Variants in ANPEP observed in about 807,000 individuals in gnomAD.
ANPEP encodes aminopeptidase N.
In ANPEP, 70 loss-of-function variants were observed where a neutral mutation model predicts 114.6. That is an observed-to-expected ratio of 0.61 (90% confidence interval 0.50 to 0.75). ANPEP has a LOEUF of 0.75. Ranked by LOEUF, ANPEP falls within the 30% of genes least tolerant of loss-of-function variation. The probability of loss-of-function intolerance (pLI) is 0.00; values close to 1 mark genes in which losing one functional copy is unlikely to be tolerated. For synonymous variants in ANPEP, 548 were observed against 522.3 expected, an observed-to-expected ratio of 1.05 and a Z score of -0.67; for missense variants, 1,184 against 1,259.5, an observed-to-expected ratio of 0.94 and a Z score of 0.91.
In ANPEP at chr15:89,805,424, C is replaced by G; in HGVS notation, c.654G>C (p.Arg218=). ...ATTQMQAADA[R]KSFPCFDEPA... ...GCTCATCGAAGCATGGGAAGGACTTCCGGGCATCTGCAGCCTGCATCTGTG... is the reference window on the plus strand; with the variant it reads ...GCTCATCGAAGCATGGGAAGGACTTGCGGGCATCTGCAGCCTGCATCTGTG... Residue 218 remains arginine, a synonymous_variant, in exon 3 of 21, where the codon CGG becomes CGC. Coordinates refer to ENST00000300060, the MANE Select transcript of ANPEP (RefSeq NM_001150.3). 1 of 1,614,180 alleles carries G rather than the reference C, an allele frequency of 6.2e-7. No individual in the cohort carries two copies. The highest frequency in any genetic ancestry group is 2.2e-5 in the East Asian group (1 of 44,882).
rs1194577799 is a variant in ANPEP, at chr15:89,792,298, T to C, written c.2390A>G (p.Tyr797Cys). Residue 797 changes from tyrosine to cysteine, a missense_variant, in exon 18 of 21, where the codon TAC (tyrosine) becomes TGC (cysteine). Physicochemically the swap from Tyr to Cys is radical, Grantham distance 194. Transcript: ENST00000300060. Reference protein sequence around the residue: ...PIHPNLRSTVYCNAIAQGGEE... With the variant: ...PIHPNLRSTVCCNAIAQGGEE... ...CCCGCCCTGGGCGATAGCGTTGCAG[T>C]AGACGGTGGACCGCAGGTTGGGGTG... The C allele has an allele frequency of 6.2e-7, 1 of 1,614,190 alleles. No individual in the cohort carries two copies. Among genetic ancestry groups the C allele is most frequent in the Non-Finnish European group, 8.5e-7 (1 of 1,180,022 alleles).
intron 1 of ANPEP, among the ~76,000 whole-genome samples, chr15:89,808,533 T>C (rs1002247341): frequency 4.2e-4 from 64 of 152,348 alleles, no homozygotes; most frequent in African/African-American, 1.3e-3. Flanking sequence ...ATTGAGTAAA[T>C]GAATGAATGA....
intron 19 of ANPEP, 34 bp from the exon 20 acceptor site, chr15:89,790,575 G>A: frequency 1.3e-6 from 2 of 1,581,358 alleles, no homozygotes; most frequent in Non-Finnish European, 1.7e-6. Flanking sequence ...CTGTGAGGGA[G>A]GCCGGGAACT....
At chr15:89,790,567 GT>G in intron 19 of ANPEP, 26 bp from the exon 20 acceptor site, 2 of 1,598,506 alleles carry the variant, frequency 1.3e-6, no homozygotes, top group Non-Finnish European at 1.7e-6. Flanking sequence ...GAGGTGAACT[GT>G]GAGGGAGGCC....
At position 89,803,622 on chromosome 15, in the gene ANPEP, G is replaced by A. The variant is rs369193095; in HGVS notation, c.1437+25C>T. ...AGGCCAAGTCCCCACCTCCTTCCCCGTGCCCCACGAGGAGCGGGCTGCACC... is the reference window on the plus strand; with the variant it reads ...AGGCCAAGTCCCCACCTCCTTCCCCATGCCCCACGAGGAGCGGGCTGCACC... On this transcript the variant is annotated intron_variant, in intron 8 of 20. Transcript: ENST00000300060. The surrounding 1 kb of genome is among the most constrained non-coding windows in gnomAD (Gnocchi z 4.2). 2.1e-5 allele frequency: 33 copies of A among 1,605,014 alleles called. No homozygotes were observed. Among genetic ancestry groups the A allele is most frequent in the East Asian group, 9.0e-5 (4 of 44,658 alleles).
chr15:89,794,074 G>A (rs1205161008), intron 15 of ANPEP, among the ~76,000 whole-genome samples: 1 of 152,192 alleles, frequency 6.6e-6, no homozygotes, highest in African/African-American at 2.4e-5. Flanking sequence ...AGTTTAGGCA[G>A]CTGGGACGCG....
rs370077706 is a variant in ANPEP, at chr15:89,803,856, C to G, written c.1293+33G>C. ...CGGTGGCCCAGGTCTCCCTCCATGC[C>G]CCCCGCACCAGACCCCTGGGCAGCT... is the stretch of plus-strand genomic sequence containing the variant. On this transcript the variant is annotated intron_variant, in intron 7 of 20. Coordinates refer to ENST00000300060, the MANE Select transcript of ANPEP (RefSeq NM_001150.3). The surrounding 1 kb of genome is among the most constrained non-coding windows in gnomAD (Gnocchi z 4.2). 2.5e-6 allele frequency: 4 copies of G among 1,613,932 alleles called. No homozygotes were observed. The highest frequency in any genetic ancestry group is 3.3e-4 in the Middle Eastern group (2 of 6,062).
intron 12 of ANPEP, among the ~76,000 whole-genome samples, chr15:89,800,289 C>T (rs190422728): frequency 6.6e-5 from 10 of 152,308 alleles, no homozygotes; most frequent in South Asian, 4.1e-4. Flanking sequence ...TCACCTCCTC[C>T]GGGAAGCCCT....
At position 89,790,469 on chromosome 15, in the gene ANPEP, C is replaced by G; in HGVS notation, c.2742G>C (p.Glu914Asp). 1 of 1,613,858 alleles carries G rather than the reference C, an allele frequency of 6.2e-7. No individual in the cohort carries two copies. Among genetic ancestry groups the G allele is most frequent in the Non-Finnish European group, 8.5e-7 (1 of 1,179,798 alleles). Residue 914 changes from glutamate to aspartate, a missense_variant, in exon 20 of 21, where the codon GAG becomes GAC. Glu to Asp is a conservative substitution (Grantham distance 45, BLOSUM62 2). Coordinates refer to ENST00000300060, the MANE Select transcript of ANPEP (RefSeq NM_001150.3). ...GGGAATGACTTCTTACCTGCTGCAGCTCATACTCGGTGGAGAATCGTCGTG... is the reference window on the plus strand; with the variant it reads ...GGGAATGACTTCTTACCTGCTGCAGGTCATACTCGGTGGAGAATCGTCGTG... ...AVTRRFSTEY[E>D]LQQLEQFKKD...
rs1207349690 is a variant in ANPEP, at chr15:89,806,401, C to G, written c.183G>C (p.Ser61=). 3.1e-6 allele frequency: 5 copies of G among 1,613,956 alleles called. No individual in the cohort carries two copies. In the South Asian group the frequency reaches 4.4e-5, roughly 14 times the overall value. ...CTTTACTTTGGTCCAAGGTGGTGGC[C>G]GAGGCGGGGTTGGTGGTGGCTGAGG... ...PSASATTNPA[S]ATTLDQSKAW... is the part of the protein sequence containing the mutation. Residue 61 remains serine (S), a synonymous_variant, in exon 2 of 21, where the codon TCG becomes TCC. Coordinates refer to ENST00000300060, the MANE Select transcript of ANPEP (RefSeq NM_001150.3). This position sits in a 1 kb window ranked among gnomAD's most constrained non-coding sequence, Gnocchi z 5.7.
At position 89,799,487 on chromosome 15, in the gene ANPEP, C is replaced by T. The variant is rs762703807; in HGVS notation, c.1892G>A (p.Arg631Gln). 18 of 1,614,152 alleles carry T rather than the reference C, an allele frequency of 1.1e-5. No individual in the cohort carries two copies. Among genetic ancestry groups the T allele is most frequent in the East Asian group, 4.5e-5 (2 of 44,882 alleles). ...LLNLNVTGYY[R>Q]VNYDEENWRK... ...CCAGTTCTCTTCGTCGTAGTTCACC[C>T]GGTAATAGCCCGTCACATTGAGGTT... is the stretch of plus-strand genomic sequence containing the variant. The change falls in exon 13 of 21, where the codon CGG becomes CAG. Residue 631 changes from arginine (R) to glutamine (Q), a missense_variant. Coordinates refer to ENST00000300060, the MANE Select transcript of ANPEP (RefSeq NM_001150.3). The surrounding 1 kb of genome is among the most constrained non-coding windows in gnomAD (Gnocchi z 4.2).
chr15:89,791,316 A>G (rs1176688285), intron 18 of ANPEP, among the ~76,000 whole-genome samples: 3 of 152,208 alleles, frequency 2.0e-5, no homozygotes, highest in African/African-American at 7.2e-5. Context: ...TGCCTGACAT[A>G]GAAATATTTG....
At position 89,793,036 on chromosome 15, in the gene ANPEP, G is replaced by C. The variant is rs1228614746; in HGVS notation, c.2248C>G (p.Gln750Glu). ...AAACCCATGAGAGCTCCCACTCACT[G>C]GTCCATCAGGTTTTCTGGGATCTCC... ...WREIPENLMD[Q>E]YSEVNAISTA... The change falls in exon 16 of 21, where the codon CAG becomes GAG. Residue 750 changes from glutamine (Q) to glutamate (E), a missense_variant and splice_region_variant. Gln to Glu is a conservative substitution (Grantham distance 29). Transcript: ENST00000300060. The C allele has an allele frequency of 6.2e-7, 1 of 1,613,526 alleles. No individual in the cohort carries two copies.
At chr15:89,810,516 G>A (rs982706032) in intron 1 of ANPEP, among the ~76,000 whole-genome samples, 21 of 152,066 alleles carry the variant, frequency 1.4e-4, no homozygotes, top group Admixed American at 1.4e-3. Flanking sequence ...GGTTGCAGTG[G>A]GCGGAGATCG....
intron 15 of ANPEP, 65 bp downstream of exon 15, chr15:89,797,510 C>A (rs1265623135): frequency 1.3e-6 from 2 of 1,560,122 alleles, no homozygotes; most frequent in Admixed American, 4.0e-5. Context: ...CTATTAACTT[C>A]CTAATAGTGC....
At position 89,805,454 on chromosome 15, in the gene ANPEP, G is replaced by A. The variant is rs745580729; in HGVS notation, c.624C>T (p.Ala208=). ...CATCTGCAGCCTGCATCTGTGTAGTGGCCACCACCCTGCCCCAACAGGAAG... is the reference window on the plus strand; with the variant it reads ...CATCTGCAGCCTGCATCTGTGTAGTAGCCACCACCCTGCCCCAACAGGAAG... The part of the protein sequence containing the change: ...YMEGNVRKVV[A]TTQMQAADAR... The change falls in exon 3 of 21, where the codon GCC becomes GCT. Residue 208 remains alanine, a synonymous_variant. Coordinates refer to ENST00000300060, the MANE Select transcript of ANPEP (RefSeq NM_001150.3). 2 of 1,614,090 alleles carry A rather than the reference G, an allele frequency of 1.2e-6. No individual in the cohort carries two copies. The highest frequency in any genetic ancestry group is 2.2e-5 in the East Asian group (1 of 44,884).
At chr15:89,793,699 T>C in intron 15 of ANPEP, among the ~76,000 whole-genome samples, 1 of 96,892 alleles carries the variant, frequency 1.0e-5, no homozygotes, top group Admixed American at 1.1e-4. Flanking sequence ...CGAGACTCCA[T>C]CTCAAAAAAA....
At chr15:89,809,439 C>T (rs564161377) in intron 1 of ANPEP, among the ~76,000 whole-genome samples, 1 of 152,362 alleles carries the variant, frequency 6.6e-6, no homozygotes, top group Admixed American at 6.5e-5. Flanking sequence ...AATCTTTACT[C>T]TTCTGGACAA....
At position 89,803,566 on chromosome 15, in the gene ANPEP, C is replaced by T. The variant is rs751111314; in HGVS notation, c.1438-59G>A. 2 of 1,601,502 alleles carry T rather than the reference C, an allele frequency of 1.2e-6. No homozygotes were observed. The highest frequency in any genetic ancestry group is 1.1e-5 in the South Asian group (1 of 90,752). On this transcript the variant is annotated intron_variant, in intron 8 of 20. Coordinates refer to ENST00000300060, the MANE Select transcript of ANPEP (RefSeq NM_001150.3). The surrounding 1 kb of genome is among the most constrained non-coding windows in gnomAD (Gnocchi z 4.2). ...GTGCAGAGCCACCAGGACCCTGTGCCCCCAGACCCTGCCTTCAGTGAGGCC... is the reference window on the plus strand; with the variant it reads ...GTGCAGAGCCACCAGGACCCTGTGCTCCCAGACCCTGCCTTCAGTGAGGCC...
Sources: allele counts gnomAD v4.1 joint callset (sites outside exome capture counted in the v4.1 genomes callset), GRCh38; gene constraint gnomAD v4.1.1; non-coding constraint Gnocchi (gnomAD v3.1); transcripts MANE v1.5; gene names NCBI Gene and HGNC (gene_info 2026-07-23, HGNC 2026-07-21).